SYN2: variants seen among roughly 807,000 people sequenced by gnomAD.
SYN2 encodes the protein synapsin II.
A neutral mutation model predicts 50.9 loss-of-function variants in SYN2; 19 were observed. That is an observed-to-expected ratio of 0.37 (90% CI 0.26 to 0.55). The LOEUF is 0.55. Among genes scored for constraint, SYN2 ranks in the 20% least tolerant of loss-of-function variants. The pLI, the probability that SYN2 is intolerant of heterozygous loss-of-function variation, is 0.81. For synonymous variants in SYN2, 255 were observed against 224.9 expected (o/e 1.13, Z -1.20); for missense variants, 587 against 576.4 (o/e 1.02, Z -0.19).
intron 10 of SYN2, among the ~76,000 whole-genome samples, chr3:12,179,108 C>T (rs183459025): frequency 3.3e-5 from 5 of 152,282 alleles, no homozygotes; most frequent in Admixed American, 2.6e-4. Flanking sequence ...TGAGCTTCAC[C>T]AGCTCTCTCC....
intron 1 of SYN2, among the ~76,000 whole-genome samples, chr3:12,046,025 A>C (rs1232453375): frequency 6.6e-6 from 1 of 152,188 alleles, no homozygotes; most frequent in South Asian, 2.1e-4. Flanking sequence ...TATAGTACTT[A>C]CTACAACTCT....
chr3:12,127,509 A>C (rs895383367), intron 1 of SYN2, among the ~76,000 whole-genome samples: 7 of 152,206 alleles, frequency 4.6e-5, no homozygotes, highest in Non-Finnish European at 1.0e-4. Flanking sequence ...ACTCAAGTGC[A>C]TCTGGGAACC....
chr3:12,019,289 A>G, intron 1 of SYN2, among the ~76,000 whole-genome samples: 1 of 152,304 alleles, frequency 6.6e-6, no homozygotes, highest in African/African-American at 2.4e-5. Context: ...TGGCATCCCT[A>G]TTTCCTAGCC....
intron 1 of SYN2, among the ~76,000 whole-genome samples, chr3:12,078,904 A>G (rs1025838830): frequency 1.6e-4 from 24 of 151,986 alleles, no homozygotes; most frequent in African/African-American, 5.6e-4. Context: ...GAGTATGGCT[A>G]TTTTCACCAT....
chr3:12,146,562 A>G (rs1443524861), intron 4 of SYN2, among the ~76,000 whole-genome samples: 3 of 152,228 alleles, frequency 2.0e-5, no homozygotes, highest in Non-Finnish European at 2.9e-5. Context: ...TTACAGAGAA[A>G]CAAAACCCAA....
chr3:12,063,493 T>C (rs1695153875), intron 1 of SYN2, among the ~76,000 whole-genome samples: 1 of 151,938 alleles, frequency 6.6e-6, no homozygotes, highest in Non-Finnish European at 1.5e-5. Context: ...ATTAAGTAAA[T>C]GGATGGAAGA....
rs1212269769 is a variant in SYN2, at chr3:12,191,786, C to T, written c.*1161C>T. ...CTCACTTGCCTGGTCTATCATCAAG[C>T]TCCTCAGCTGAGGCCCACATGGTGG... On this transcript the variant is annotated 3_prime_UTR_variant, in exon 13 of 13. Coordinates refer to ENST00000621198, the MANE Select transcript of SYN2 (RefSeq NM_133625.6). Among the ~76,000 whole-genome samples, 1 of 152,142 alleles carries T rather than the reference C, an allele frequency of 6.6e-6. No homozygotes were observed. The highest frequency in any genetic ancestry group is 1.5e-5 in the Non-Finnish European group (1 of 68,030).
intron 1 of SYN2, among the ~76,000 whole-genome samples, chr3:12,050,340 ATTTT>A (rs397877649): frequency 1.2e-4 from 14 of 113,324 alleles, no homozygotes; most frequent in East Asian, 2.7e-4. Flanking sequence ...GTTTGGAATG[ATTTT>A]TTTTTTTTTT....
chr3:12,177,145 C>G (rs1698093175), intron 10 of SYN2, among the ~76,000 whole-genome samples: 1 of 152,154 alleles, frequency 6.6e-6, no homozygotes, highest in Admixed American at 6.5e-5. Flanking sequence ...GACATTCTAC[C>G]AGTCCTTTTT....
At chr3:12,121,802 C>G (rs1401704622) in intron 1 of SYN2, among the ~76,000 whole-genome samples, 1 of 152,006 alleles carries the variant, frequency 6.6e-6, no homozygotes, top group Non-Finnish European at 1.5e-5. Flanking sequence ...GGAATTGGCT[C>G]AGATGATTGT....
At chr3:12,112,106 CAT>C (rs1696330472) in intron 1 of SYN2, among the ~76,000 whole-genome samples, 1 of 152,154 alleles carries the variant, frequency 6.6e-6, no homozygotes, top group Admixed American at 6.6e-5. Context: ...CACTGAAAAA[CAT>C]GAGTGTGGTG....
chr3:12,186,279 G>A (rs1390912410), intron 11 of SYN2, among the ~76,000 whole-genome samples: 1 of 152,174 alleles, frequency 6.6e-6, no homozygotes, highest in Non-Finnish European at 1.5e-5. Context: ...ATTTCCACTA[G>A]TCAGTAGGTG....
intron 1 of SYN2, among the ~76,000 whole-genome samples, chr3:12,039,536 C>G (rs375668674): frequency 7.9e-6 from 1 of 127,004 alleles, no homozygotes. Flanking sequence ...GATGAGAAAA[C>G]AAAGAAGCAA....
chr3:12,031,089 C>T (rs1694372045), intron 1 of SYN2, among the ~76,000 whole-genome samples: 2 of 100,710 alleles, frequency 2.0e-5, no homozygotes, highest in African/African-American at 4.0e-5. Flanking sequence ...TCTTTGTTCT[C>T]GTTGGTTTCA....
At chr3:12,143,563 C>T (rs1461453561) in intron 3 of SYN2, among the ~76,000 whole-genome samples, 2 of 152,044 alleles carry the variant, frequency 1.3e-5, no homozygotes, top group African/African-American at 4.8e-5. Flanking sequence ...TTCTGAGTTA[C>T]TTCAGTTAGG....
chr3:12,024,820 G>A (rs947586672), intron 1 of SYN2, among the ~76,000 whole-genome samples: 1 of 152,102 alleles, frequency 6.6e-6, no homozygotes, highest in Non-Finnish European at 1.5e-5. Flanking sequence ...CATTTGCTGG[G>A]TTATAGGGCA....
intron 1 of SYN2, among the ~76,000 whole-genome samples, chr3:12,047,638 G>A (rs1038707189): frequency 1.3e-5 from 2 of 152,112 alleles, no homozygotes; most frequent in African/African-American, 2.4e-5. Context: ...GGGAAAGGAA[G>A]TTTAAGTTAT....
chr3:12,072,987 TG>T (rs967693765), intron 1 of SYN2, among the ~76,000 whole-genome samples: 4 of 152,222 alleles, frequency 2.6e-5, no homozygotes, highest in African/African-American at 9.6e-5. Context: ...CACTGTCAGA[TG>T]ATCTAGTAGA....
At chr3:12,018,419 T>C (rs1272566228) in intron 1 of SYN2, among the ~76,000 whole-genome samples, 1 of 152,184 alleles carries the variant, frequency 6.6e-6, no homozygotes, top group Non-Finnish European at 1.5e-5. Context: ...TCTTGAGGCT[T>C]CCTAGACTGA....
Sources: gnomAD v4.1 joint callset for allele counts (sites outside exome capture counted in the v4.1 genomes callset) on GRCh38, gnomAD v4.1.1 for gene constraint, MANE v1.5 for transcripts, NCBI Gene and HGNC (gene_info 2026-07-23, HGNC 2026-07-21) for gene names.